The following PCDHGA6 variants were observed in gnomAD, a reference collection of about 807,000 sequenced individuals.
The protein encoded by PCDHGA6 is protocadherin gamma-A6.
Under a neutral mutation model 60.6 loss-of-function variants are expected in PCDHGA6, and 41 were observed. The ratio of observed to expected loss-of-function variants is 0.68; its 90% CI spans 0.53 to 0.88. The LOEUF (loss-of-function observed/expected upper bound fraction) is 0.88. PCDHGA6 is among the 40% of genes least tolerant of loss of function. The probability of loss-of-function intolerance (pLI) is 0.00; values close to 1 mark genes in which losing one functional copy is unlikely to be tolerated. For missense variants in PCDHGA6, 1,312 were observed against 1,203.0 expected (o/e 1.09, Z -1.34); for synonymous variants, 594 against 524.4 (o/e 1.13, Z -1.81).
rs762476625 is a variant in PCDHGA6 at position 141,420,218 on chromosome 5, C to A, written c.2424+43711C>A. On this transcript the variant is annotated intron_variant, in intron 1 of 3. Coordinates refer to ENST00000517434, the MANE Select transcript of PCDHGA6 (RefSeq NM_018919.3). The stretch of plus-strand genomic sequence containing the variant: ...AGATAACCTCAACAAAGATAGCATG[C>A]TACTGGCTAGCATTTTAACTCCCAG... 4 of 1,608,408 alleles carry A rather than the reference C, an allele frequency of 2.5e-6. No individual in the cohort carries two copies. In the South Asian group the frequency reaches 4.4e-5, roughly 18 times the overall value.
intron 1 of PCDHGA6, among the ~76,000 whole-genome samples, chr5:141,380,184 G>A (rs1776280762): frequency 6.6e-6 from 1 of 152,160 alleles, no homozygotes; most frequent in South Asian, 2.1e-4. Flanking sequence ...ACAGGCATGA[G>A]CCACTGAGCC....
At chr5:141,387,999 G>A (rs923312530) in intron 1 of PCDHGA6, 2 of 1,487,266 alleles carry the variant, frequency 1.3e-6, no homozygotes, top group Non-Finnish European at 1.8e-6. Flanking sequence ...CAGGATTCCC[G>A]AGGAAATGCC....
intron 1 of PCDHGA6, among the ~76,000 whole-genome samples, chr5:141,481,037 G>A (rs1438691746): frequency 2.0e-5 from 3 of 152,050 alleles, no homozygotes; most frequent in East Asian, 3.9e-4. Context: ...CAGCCTGGGC[G>A]ACAGAGCGAG....
intron 1 of PCDHGA6, chr5:141,390,321 C>G: frequency 6.2e-7 from 1 of 1,607,082 alleles, no homozygotes; most frequent in Non-Finnish European, 8.5e-7. Flanking sequence ...TCATTGCCTA[C>G]CCATTTCTCC....
At chr5:141,501,809 A>G (rs2099811165) in intron 2 of PCDHGA6, among the ~76,000 whole-genome samples, 1 of 152,176 alleles carries the variant, frequency 6.6e-6, no homozygotes, top group African/African-American at 2.4e-5. Flanking sequence ...ACCCAGCTTC[A>G]CATAATTGGC....
intron 1 of PCDHGA6, chr5:141,418,727 C>T: frequency 6.2e-7 from 1 of 1,613,976 alleles, no homozygotes; most frequent in Non-Finnish European, 8.5e-7. Flanking sequence ...CAAAGCTCAG[C>T]ACGTGTTCTC....
chr5:141,385,181 C>T (rs201394036), intron 1 of PCDHGA6: 5 of 1,614,202 alleles, frequency 3.1e-6, no homozygotes, highest in Non-Finnish European at 3.4e-6. Flanking sequence ...TCCCTCACCG[C>T]GGACTCTCGG....
In PCDHGA6 at chr5:141,493,233, G is replaced by T. The variant is rs1335823475; in HGVS notation, c.2425-1574G>T. ...TTTGCTCTTCCCACCATTGCTGTTG[G>T]CTAGGTACTAACATGCCTCTCTTAT... is the stretch of plus-strand genomic sequence containing the variant. On this transcript the variant is annotated intron_variant, in intron 1 of 3. Coordinates refer to ENST00000517434, the MANE Select transcript of PCDHGA6 (RefSeq NM_018919.3). This position sits in a 1 kb window ranked among gnomAD's most constrained non-coding sequence, Gnocchi z 4.3. 6.6e-6 allele frequency among the ~76,000 whole-genome samples: 1 copy of T among 152,172 alleles called. No homozygotes were observed. The highest frequency in any genetic ancestry group is 2.1e-4 in the South Asian group (1 of 4,828).
chr5:141,497,512 T>C (rs903352739), intron 2 of PCDHGA6, among the ~76,000 whole-genome samples: 2 of 151,896 alleles, frequency 1.3e-5, no homozygotes, highest in Admixed American at 1.3e-4. Flanking sequence ...TCTGCTTCCT[T>C]AGTTAACTTG....
chr5:141,462,824 A>T (rs1561993844), intron 1 of PCDHGA6, among the ~76,000 whole-genome samples: 1 of 152,158 alleles, frequency 6.6e-6, no homozygotes, highest in Non-Finnish European at 1.5e-5. Flanking sequence ...TGGACAGCAG[A>T]CATTGTAAAT....
intron 2 of PCDHGA6, among the ~76,000 whole-genome samples, chr5:141,500,739 C>T (rs1199462920): frequency 6.6e-6 from 1 of 152,114 alleles, no homozygotes; most frequent in Non-Finnish European, 1.5e-5. Context: ...CAAAATTCTT[C>T]CCAAGTCATT....
intron 2 of PCDHGA6, among the ~76,000 whole-genome samples, chr5:141,497,336 A>G (rs558221190): frequency 1.6e-3 from 251 of 152,122 alleles, no homozygotes; most frequent in Non-Finnish European, 2.8e-3. Flanking sequence ...TTCACCATTG[A>G]ACCTGGAAGC....
At chr5:141,390,538 C>A in intron 1 of PCDHGA6, 1 of 518,310 alleles carries the variant, frequency 1.9e-6, no homozygotes, top group African/African-American at 1.9e-5. Flanking sequence ...GTTTTAACCA[C>A]AAAGTGAAAG....
Position 141,511,345 on chromosome 5 carries a change from TC to T in PCDHGA6, c.*179del, listed in dbSNP as rs535135679. On this transcript the variant is annotated 3_prime_UTR_variant, in exon 4 of 4. Coordinates refer to ENST00000517434, the MANE Select transcript of PCDHGA6 (RefSeq NM_018919.3). ...AAGTGCCCAGTCAGCACCTACCCCTTCCCCCCCAGGGGGTTGAATATGCAAA... is the reference window on the plus strand; with the variant it reads ...AAGTGCCCAGTCAGCACCTACCCCTTCCCCCCAGGGGGTTGAATATGCAAA... The T allele has an allele frequency of 2.2e-5, 31 of 1,410,342 alleles. No individual in the cohort carries two copies. Among genetic ancestry groups the T allele is most frequent in the South Asian group, 2.9e-5 (2 of 68,200 alleles). 87.4% of individuals were successfully genotyped at this position (1,410,342 alleles called of 1,614,324 possible). A position where few individuals can be genotyped will look rare whatever the true frequency, so the allele number is the denominator to read the frequency against.
At chr5:141,401,532 A>G (rs1461153273) in intron 1 of PCDHGA6, among the ~76,000 whole-genome samples, 2 of 152,260 alleles carry the variant, frequency 1.3e-5, no homozygotes, top group Non-Finnish European at 2.9e-5. Context: ...GAAGAAACTT[A>G]CAAAAAAAAG....
chr5:141,408,144 G>T (rs868032463), intron 1 of PCDHGA6: 1 of 1,496,068 alleles, frequency 6.7e-7, no homozygotes, highest in South Asian at 1.3e-5. Context: ...CTTTTAGCGC[G>T]GTAGAGTGCA....
intron 1 of PCDHGA6, chr5:141,397,905 G>C: frequency 1.5e-6 from 1 of 659,508 alleles, no homozygotes; most frequent in East Asian, 2.8e-5. Flanking sequence ...GCAGAGCTTG[G>C]CGCTCCAGAT....
intron 1 of PCDHGA6, among the ~76,000 whole-genome samples, chr5:141,437,026 A>G (rs1398960659): frequency 6.6e-6 from 1 of 152,258 alleles, no homozygotes; most frequent in Non-Finnish European, 1.5e-5. Context: ...TCACCAGAAA[A>G]TGGATCACCG....
In PCDHGA6 at chr5:141,400,641, G is replaced by C. The variant is rs1427284697; in HGVS notation, c.2424+24134G>C. On this transcript the variant is annotated intron_variant, in intron 1 of 3. Coordinates refer to ENST00000517434, the MANE Select transcript of PCDHGA6 (RefSeq NM_018919.3). ...GTCTTAGGGAAGTCAGAGCTGCTCA[G>C]AAAGCTGTCCTACCATTCTTTAAGA... The C allele has an allele frequency of 9.3e-6, 12 of 1,288,952 alleles. No homozygotes were observed. The East Asian group carries it at 2.8e-4, about 30-fold the overall frequency. 79.8% of individuals were successfully genotyped at this position (1,288,952 alleles called of 1,614,324 possible). A position where few individuals can be genotyped will look rare whatever the true frequency, so the allele number is the denominator to read the frequency against.
Sources: gnomAD v4.1 joint callset for allele counts (sites outside exome capture counted in the v4.1 genomes callset) on GRCh38, gnomAD v4.1.1 for gene constraint, Gnocchi (gnomAD v3.1) non-coding constraint, MANE v1.5 for transcripts, NCBI Gene and HGNC (gene_info 2026-07-23, HGNC 2026-07-21) for gene names.